Variants in NCKAP5 observed in about 807,000 individuals in gnomAD.
NCKAP5 encodes NCK associated protein 5.
NCKAP5 carries 92 observed loss-of-function variants against 167.0 expected under a neutral mutation model. The ratio of observed to expected loss-of-function variants is 0.55; its 90% CI spans 0.47 to 0.66. The LOEUF is 0.66. Ranked by LOEUF, NCKAP5 falls within the 30% of genes least tolerant of loss-of-function variation. The pLI is 0.00. For synonymous variants in NCKAP5, 891 were observed against 877.4 expected, an observed-to-expected ratio of 1.02 and a Z score of -0.27; for missense variants, 2,378 against 2,315.0, an observed-to-expected ratio of 1.03 and a Z score of -0.56.
At chr2:133,419,640 G>A (rs537059898) in intron 3 of NCKAP5, among the ~76,000 whole-genome samples, 63 of 152,086 alleles carry the variant, frequency 4.1e-4, no homozygotes, top group Non-Finnish European at 8.2e-4. Context: ...GATTTAGAAC[G>A]TATCTCCATA....
intron 5 of NCKAP5, among the ~76,000 whole-genome samples, chr2:133,147,264 A>C (rs1029073579): frequency 1.2e-4 from 19 of 152,292 alleles, no homozygotes; most frequent in African/African-American, 4.6e-4. Flanking sequence ...TGCACCACAG[A>C]TGAAAGGCAT....
intron 3 of NCKAP5, among the ~76,000 whole-genome samples, chr2:133,397,867 A>G (rs1300447861): frequency 6.6e-6 from 1 of 152,152 alleles, no homozygotes. Context: ...TCCCCCCAAG[A>G]GATTCTCAGG....
chr2:133,463,531 T>C (rs1404127119), intron 3 of NCKAP5, among the ~76,000 whole-genome samples: 1 of 152,224 alleles, frequency 6.6e-6, no homozygotes. Context: ...CCATGGAATA[T>C]GTAATCATTG....
At chr2:132,991,835 C>A (rs529551034) in intron 7 of NCKAP5, among the ~76,000 whole-genome samples, 1 of 152,164 alleles carries the variant, frequency 6.6e-6, no homozygotes, top group Admixed American at 6.5e-5. Context: ...TTGCCTGAAA[C>A]GCAGAATTTG....
intron 6 of NCKAP5, among the ~76,000 whole-genome samples, chr2:133,056,019 G>A (rs1050858911): frequency 6.6e-6 from 1 of 152,150 alleles, no homozygotes; most frequent in Non-Finnish European, 1.5e-5. Context: ...TTATCCCTGT[G>A]CCAATGTTTC....
intron 15 of NCKAP5, among the ~76,000 whole-genome samples, chr2:132,780,139 A>T (rs1301818442): frequency 6.6e-6 from 1 of 151,970 alleles, no homozygotes; most frequent in African/African-American, 2.4e-5. Flanking sequence ...TATAAAAAAT[A>T]CTCTTTCATT....
rs556703289 is a variant in NCKAP5 at position 133,496,209 on chromosome 2, C to T, written c.69+21249G>A. Among the ~76,000 whole-genome samples the T allele has an allele frequency of 2.8e-4, 43 of 152,306 alleles. No individual in the cohort carries two copies. In the South Asian group the frequency reaches 8.5e-3, roughly 30 times the overall value. The stretch of plus-strand genomic sequence containing the variant: ...AATCTTGCAGAAAAAGGGAAACCCT[C>T]CTCACCTAAGAAACTGTTAACCCTG... On this transcript the variant is annotated intron_variant, in intron 3 of 19. Transcript: ENST00000409261.
chr2:133,451,568 C>A (rs1691553661), intron 3 of NCKAP5, among the ~76,000 whole-genome samples: 1 of 152,170 alleles, frequency 6.6e-6, no homozygotes, highest in Non-Finnish European at 1.5e-5. Context: ...ACTTTTTTAT[C>A]TTTTCCACCA....
At chr2:133,085,431 C>T (rs1358802507) in intron 6 of NCKAP5, among the ~76,000 whole-genome samples, 1 of 152,072 alleles carries the variant, frequency 6.6e-6, no homozygotes, top group Non-Finnish European at 1.5e-5. Flanking sequence ...GAAACAGATA[C>T]ATAACCACAC....
At chr2:133,193,033 G>A (rs1424906815) in intron 5 of NCKAP5, among the ~76,000 whole-genome samples, 4 of 152,022 alleles carry the variant, frequency 2.6e-5, no homozygotes, top group East Asian at 1.9e-4. Flanking sequence ...AAAAGTTGTG[G>A]TACATCCATA....
At chr2:133,152,104 T>C (rs986711080) in intron 5 of NCKAP5, among the ~76,000 whole-genome samples, 14 of 152,298 alleles carry the variant, frequency 9.2e-5, no homozygotes, top group African/African-American at 3.4e-4. Context: ...ACAAGTAAAA[T>C]GCAGGGTAGC....
chr2:133,085,124 G>C (rs1308851567), intron 6 of NCKAP5, among the ~76,000 whole-genome samples: 2 of 152,150 alleles, frequency 1.3e-5, no homozygotes, highest in African/African-American at 4.8e-5. Context: ...CCTGCAAACT[G>C]TAGTTTGCTT....
intron 3 of NCKAP5, among the ~76,000 whole-genome samples, chr2:133,418,839 C>A (rs977670420): frequency 3.9e-5 from 6 of 152,226 alleles, no homozygotes; most frequent in African/African-American, 1.4e-4. Context: ...AATAAATAAA[C>A]CTCAGTGTTT....
chr2:132,714,869 T>A (rs1423409148), intron 19 of NCKAP5: 6 of 455,658 alleles, frequency 1.3e-5, no homozygotes, highest in Admixed American at 4.7e-5. Flanking sequence ...CCCAGGTATG[T>A]AAGCTCCCAG....
chr2:133,470,871 T>C lies in NCKAP5; in HGVS notation c.69+46587A>G, dbSNP rs568781226. On this transcript the variant is annotated intron_variant, in intron 3 of 19. Transcript: ENST00000409261. ...GGCAATGCCTCACCCTGCTTTGGCT[T>C]GCGCATGGTGCGCGCACCCACTGAC... Among the ~76,000 whole-genome samples, 5 of 152,372 alleles carry C rather than the reference T, an allele frequency of 3.3e-5. No homozygotes were observed. The East Asian group carries it at 7.7e-4, about 24-fold the overall frequency.
At chr2:133,084,818 T>C (rs1161857479) in intron 6 of NCKAP5, among the ~76,000 whole-genome samples, 2 of 152,168 alleles carry the variant, frequency 1.3e-5, no homozygotes. Flanking sequence ...TGTTTACATG[T>C]TCCCCTCAAA....
intron 5 of NCKAP5, among the ~76,000 whole-genome samples, chr2:133,144,927 G>A (rs779626631): frequency 7.2e-5 from 11 of 151,996 alleles, no homozygotes; most frequent in African/African-American, 1.2e-4. Flanking sequence ...TACATTTTAC[G>A]TCAAACTAAT....
chr2:132,999,051 C>T (rs2077696025), intron 6 of NCKAP5, among the ~76,000 whole-genome samples: 1 of 152,100 alleles, frequency 6.6e-6, no homozygotes, highest in Non-Finnish European at 1.5e-5. Flanking sequence ...GTAATAAATT[C>T]TAACGTACAT....
chr2:133,484,456 A>G (rs1680730448), intron 3 of NCKAP5, among the ~76,000 whole-genome samples: 1 of 152,186 alleles, frequency 6.6e-6, no homozygotes, highest in African/African-American at 2.4e-5. Flanking sequence ...AAACGATGCC[A>G]TTTCCCATCC....
Sources: gnomAD v4.1 joint callset for allele counts (sites outside exome capture counted in the v4.1 genomes callset) on GRCh38, gnomAD v4.1.1 for gene constraint, MANE v1.5 for transcripts, NCBI Gene and HGNC (gene_info 2026-07-23, HGNC 2026-07-21) for gene names.